GRIK4: variants seen among roughly 807,000 people sequenced by gnomAD.
The protein encoded by GRIK4 is glutamate ionotropic receptor kainate type subunit 4.
A neutral mutation model predicts 104.9 loss-of-function variants in GRIK4; 40 were observed. The ratio of observed to expected loss-of-function variants is 0.38; its 90% CI spans 0.30 to 0.50. The LOEUF (loss-of-function observed/expected upper bound fraction) is 0.50. Among genes scored for constraint, GRIK4 ranks in the 20% least tolerant of loss-of-function variants. The pLI is 0.93. For missense variants in GRIK4, 1,047 were observed against 1,308.1 expected, an observed-to-expected ratio of 0.80 and a Z score of 3.08; for synonymous variants, 485 against 524.9, an observed-to-expected ratio of 0.92 and a Z score of 1.04.
rs1012364247 is a variant in GRIK4, at chr11:120,660,265, G to T, written c.-50-4G>T. The T allele has an allele frequency of 1.5e-6, 2 of 1,337,968 alleles. No individual in the cohort carries two copies. The highest frequency in any genetic ancestry group is 2.9e-5 in the African/African-American group (2 of 69,466). 82.9% of individuals were successfully genotyped at this position (1,337,968 alleles called of 1,614,324 possible). ...TCACGTGCCCCCAACCCCCTCTCTC[G>T]CAGAGTTATGTCATGCCCAGGCCAG... On this transcript the variant is annotated splice_region_variant and splice_polypyrimidine_tract_variant and intron_variant, in intron 2 of 20. Transcript: ENST00000527524.
At chr11:120,678,204 G>A (rs1950132121) in intron 3 of GRIK4, among the ~76,000 whole-genome samples, 2 of 152,158 alleles carry the variant, frequency 1.3e-5, no homozygotes, top group African/African-American at 4.8e-5. Flanking sequence ...GTTTCTTTAG[G>A]GCAGACCCCA....
intron 3 of GRIK4, among the ~76,000 whole-genome samples, chr11:120,733,072 C>T (rs1006981211): frequency 4.0e-5 from 6 of 151,130 alleles, no homozygotes; most frequent in African/African-American, 4.9e-5. Context: ...TTGAATTGAC[C>T]TCTTTATCAT....
intron 1 of GRIK4, among the ~76,000 whole-genome samples, chr11:120,538,927 A>G (rs1948005051): frequency 6.6e-6 from 1 of 152,214 alleles, no homozygotes; most frequent in Non-Finnish European, 1.5e-5. Context: ...CAGGGACCAG[A>G]TTAGACATTT....
chr11:120,515,501 CTGAG>C (rs779625866), intron 1 of GRIK4, among the ~76,000 whole-genome samples: 8 of 152,236 alleles, frequency 5.3e-5, no homozygotes, highest in Non-Finnish European at 1.2e-4. Flanking sequence ...GGCACATTCT[CTGAG>C]TGGCCGCCTT....
chr11:120,876,270 C>T (rs865856122), intron 11 of GRIK4, among the ~76,000 whole-genome samples: 25 of 141,162 alleles, frequency 1.8e-4, no homozygotes, highest in Middle Eastern at 3.6e-3. Context: ...CCACCATCAC[C>T]ACCACCACTA....
chr11:120,615,819 G>C (rs543644905), intron 1 of GRIK4, among the ~76,000 whole-genome samples: 15 of 152,142 alleles, frequency 9.9e-5, no homozygotes, highest in African/African-American at 3.4e-4. Context: ...TAGGAGCCAG[G>C]AGATCTTGAT....
intron 3 of GRIK4, among the ~76,000 whole-genome samples, chr11:120,679,064 T>A (rs193039477): frequency 6.6e-6 from 1 of 152,228 alleles, no homozygotes; most frequent in East Asian, 1.9e-4. Flanking sequence ...GAGTTGGGAC[T>A]TCTGGAGCTA....
intron 11 of GRIK4, among the ~76,000 whole-genome samples, chr11:120,889,883 C>T (rs562504395): frequency 1.3e-5 from 2 of 152,162 alleles, no homozygotes; most frequent in East Asian, 1.9e-4. Flanking sequence ...GGATTAGAGG[C>T]GTGAGTCACT....
intron 3 of GRIK4, among the ~76,000 whole-genome samples, chr11:120,687,508 CCT>C (rs1428946177): frequency 6.6e-6 from 1 of 152,032 alleles, no homozygotes. Flanking sequence ...GTTTAGATCA[CCT>C]GTGAATCTGT....
chr11:120,962,826 T>C, intron 18 of GRIK4, 145 bp downstream of exon 18: 1 of 269,802 alleles, frequency 3.7e-6, no homozygotes, highest in Non-Finnish European at 6.7e-6. Context: ...TTCTAAAGTT[T>C]TTTTTTTTTT....
At position 120,986,029 on chromosome 11, in the gene GRIK4, A is replaced by G; in HGVS notation, c.2640A>G (p.Arg880=). ...GGCCCCCCATCCCCGAGGAGCGCCG[A>G]CCGCGGGGCACGGCGACGCTCAGCA... ...PPRPPIPEER[R]PRGTATLSNG... is the part of the protein sequence containing the mutation. Residue 880 remains arginine (R), a synonymous_variant, in exon 21 of 21, where the codon CGA becomes CGG. Coordinates refer to ENST00000527524, the MANE Select transcript of GRIK4 (RefSeq NM_014619.5). The G allele has an allele frequency of 6.6e-7, 1 of 1,524,270 alleles. No homozygotes were observed. The highest frequency in any genetic ancestry group is 8.8e-7 in the Non-Finnish European group (1 of 1,137,316). 94.4% of individuals were successfully genotyped at this position (1,524,270 alleles called of 1,614,324 possible).
intron 3 of GRIK4, among the ~76,000 whole-genome samples, chr11:120,710,998 G>GGA (rs1555046772): frequency 1.9e-5 from 2 of 105,076 alleles, no homozygotes; most frequent in African/African-American, 1.0e-4. Flanking sequence ...CCTGTGAGGT[G>GGA]GGGAGGGGGT....
intron 1 of GRIK4, among the ~76,000 whole-genome samples, chr11:120,627,934 G>T (rs1235022588): frequency 6.6e-6 from 1 of 152,216 alleles, no homozygotes; most frequent in Non-Finnish European, 1.5e-5. Flanking sequence ...GCAATTTGCT[G>T]TGCTTCTAAT....
intron 11 of GRIK4, among the ~76,000 whole-genome samples, chr11:120,888,585 C>A (rs945030227): frequency 6.6e-6 from 1 of 152,074 alleles, no homozygotes; most frequent in African/African-American, 2.4e-5. Flanking sequence ...TATTGAGAAC[C>A]AGTTATGTTC....
chr11:120,875,655 C>A (rs1954765795), intron 11 of GRIK4, among the ~76,000 whole-genome samples: 1 of 152,128 alleles, frequency 6.6e-6, no homozygotes, highest in Non-Finnish European at 1.5e-5. Context: ...TGGGTCTCTC[C>A]TGTCTGCCCT....
intron 1 of GRIK4, among the ~76,000 whole-genome samples, chr11:120,516,180 G>A (rs185504708): frequency 3.3e-5 from 5 of 152,328 alleles, no homozygotes; most frequent in African/African-American, 1.2e-4. Flanking sequence ...TTGGGGGGTG[G>A]GCAGGACCCT....
Position 120,644,059 on chromosome 11 carries a change from G to GA in GRIK4, c.-158-9626_-158-9625insA, listed in dbSNP as rs796173721. Among the ~76,000 whole-genome samples the GA allele has an allele frequency of 5.3e-4, 64 of 121,126 alleles. 1 individual carries two copies. Among genetic ancestry groups the GA allele is most frequent in the African/African-American group, 1.5e-3 (40 of 27,584 alleles). The allele number at this position is 121,126 out of a possible 152,430, so 79.5% of individuals were successfully genotyped here. On this transcript the variant is annotated intron_variant, in intron 1 of 20. Transcript: ENST00000527524. ...TGTGTGTGTGTGAGAGAGAGAGAGA[G>GA]GAGAGAGAGAGAGAGAGAGAGAAAG...
At chr11:120,515,885 C>T (rs80143467) in intron 1 of GRIK4, among the ~76,000 whole-genome samples, 5,606 of 152,198 alleles carry the variant, frequency 0.037, 270 homozygotes, top group East Asian at 0.16. Flanking sequence ...CTGCGTACTC[C>T]GTTTGTTTCG....
At position 120,836,825 on chromosome 11, in the gene GRIK4, C is replaced by A; in HGVS notation, c.725C>A (p.Thr242Lys). The A allele has an allele frequency of 1.9e-6, 3 of 1,597,384 alleles. No homozygotes were observed. The highest frequency in any genetic ancestry group is 8.6e-7 in the Non-Finnish European group (1 of 1,164,616). Residue 242 changes from threonine to lysine, a missense_variant, in exon 8 of 21, where the codon ACA becomes AAA. Thr to Lys is a moderately conservative substitution (Grantham distance 78). Around this residue, in one of 3 missense-constraint regions of GRIK4, gnomAD observed 447 missense variants for 514.9 expected, o/e 0.87. Transcript: ENST00000527524. ...AELGMVSAYY[T>K]YIFTNLEFSL... ...CTTGGGATGGTGTCAGCCTATTACA[C>A]ATACATCTTCACTAATCTGGTAAGA... is the stretch of plus-strand genomic sequence containing the variant.
Sources: allele counts gnomAD v4.1 joint callset (sites outside exome capture counted in the v4.1 genomes callset), GRCh38; gene constraint gnomAD v4.1.1; regional missense constraint gnomAD v4.1.1; transcripts MANE v1.5; gene names NCBI Gene and HGNC (gene_info 2026-07-23, HGNC 2026-07-21).